ADGRL2: variants seen among roughly 807,000 people sequenced by gnomAD.
ADGRL2 encodes the protein calcium-independent alpha-latrotoxin receptor 2.
ADGRL2 carries 44 observed loss-of-function variants against 157.4 expected under a neutral mutation model. That is an observed-to-expected ratio of 0.28 (90% confidence interval 0.22 to 0.36). The LOEUF (loss-of-function observed/expected upper bound fraction) is 0.36, where lower values mean the gene tolerates loss of function less well. Among genes scored for constraint, ADGRL2 ranks in the 10% least tolerant of loss-of-function variants. ADGRL2 has a pLI of 1.00. For missense variants in ADGRL2, 1,510 were observed against 1,768.9 expected (o/e 0.85, Z 2.63); for synonymous variants, 585 against 624.7 (o/e 0.94, Z 0.95).
At chr1:81,881,259 T>TC (rs2093979118) in intron 2 of ADGRL2, among the ~76,000 whole-genome samples, 1 of 152,158 alleles carries the variant, frequency 6.6e-6, no homozygotes, top group Non-Finnish European at 1.5e-5. Context: ...CACTGCAAGC[T>TC]CCACCTCCCG....
chr1:81,620,833 T>G (rs2081773955), intron 3 of ADGRL2, among the ~76,000 whole-genome samples: 1 of 152,194 alleles, frequency 6.6e-6, no homozygotes, highest in African/African-American at 2.4e-5. Context: ...AGGAAGAAAT[T>G]AGTATTCACT....
At chr1:81,563,054 G>C (rs930968073) in intron 2 of ADGRL2, among the ~76,000 whole-genome samples, 4 of 152,200 alleles carry the variant, frequency 2.6e-5, no homozygotes, top group Middle Eastern at 6.8e-3. Context: ...GTAATACACT[G>C]TATTTAACTG....
intron 2 of ADGRL2, among the ~76,000 whole-genome samples, chr1:81,479,282 G>A (rs1437067532): frequency 6.6e-6 from 1 of 151,298 alleles, no homozygotes; most frequent in Non-Finnish European, 1.5e-5. Flanking sequence ...AGACCAGCTT[G>A]GCTAACATGG....
chr1:81,749,481 G>A (rs1348451056), intron 1 of ADGRL2, among the ~76,000 whole-genome samples: 2 of 151,714 alleles, frequency 1.3e-5, no homozygotes, highest in African/African-American at 4.8e-5. Context: ...ACCACATATT[G>A]CTATTGCTTG....
chr1:81,384,553 A>C (rs545463194), intron 1 of ADGRL2, among the ~76,000 whole-genome samples: 2 of 152,336 alleles, frequency 1.3e-5, no homozygotes, highest in Non-Finnish European at 2.9e-5. Flanking sequence ...ATCTTTAAAA[A>C]ATGAATCATT....
intron 2 of ADGRL2, among the ~76,000 whole-genome samples, chr1:81,905,911 T>C (rs1027816727): frequency 1.3e-5 from 2 of 151,970 alleles, no homozygotes; most frequent in African/African-American, 4.8e-5. Flanking sequence ...TGTATAGATA[T>C]TTCAGTACAA....
At chr1:81,391,197 T>A (rs1386612916) in intron 1 of ADGRL2, among the ~76,000 whole-genome samples, 3 of 152,306 alleles carry the variant, frequency 2.0e-5, no homozygotes, top group African/African-American at 7.2e-5. Flanking sequence ...AACTCATTTT[T>A]TGAGCACTTA....
intron 2 of ADGRL2, among the ~76,000 whole-genome samples, chr1:81,900,740 G>C (rs574775201): frequency 6.6e-6 from 1 of 152,274 alleles, no homozygotes; most frequent in Admixed American, 6.5e-5. Context: ...AAATAACTGA[G>C]TCTGACTTGT....
At position 81,801,068 on chromosome 1, in the gene ADGRL2, C is replaced by T. The variant is rs925684737; in HGVS notation, c.-101C>T. On this transcript the variant is annotated splice_region_variant and 5_prime_UTR_variant, in exon 1 of 24. Transcript: ENST00000686636. The stretch of plus-strand genomic sequence containing the variant: ...CACCGCCGTCCGAAGGGCTCGAGCC[C>T]GTAAGTATCCCCTTTCGCTCCTCCT... Among the ~76,000 whole-genome samples the T allele has an allele frequency of 3.3e-5, 5 of 151,884 alleles. No homozygotes were observed. The highest frequency in any genetic ancestry group is 1.2e-4 in the African/African-American group (5 of 41,432).
intron 1 of ADGRL2, among the ~76,000 whole-genome samples, chr1:81,752,473 C>A (rs1324607571): frequency 6.6e-6 from 1 of 152,168 alleles, no homozygotes; most frequent in Non-Finnish European, 1.5e-5. Flanking sequence ...TGTTTCATTT[C>A]CAATGAAAAC....
chr1:81,506,674 C>T (rs570359535), intron 2 of ADGRL2, among the ~76,000 whole-genome samples: 3 of 152,238 alleles, frequency 2.0e-5, no homozygotes, highest in Admixed American at 2.0e-4. Context: ...GGCACCACTG[C>T]ACTCCAGCCT....
intron 3 of ADGRL2, among the ~76,000 whole-genome samples, chr1:81,647,662 A>G (rs962165218): frequency 6.6e-6 from 1 of 152,188 alleles, no homozygotes; most frequent in Non-Finnish European, 1.5e-5. Context: ...CATTTCAGAT[A>G]AGGGGTATTC....
intron 3 of ADGRL2, among the ~76,000 whole-genome samples, chr1:81,631,314 T>C (rs2082006644): frequency 6.6e-6 from 1 of 152,154 alleles, no homozygotes; most frequent in Admixed American, 6.5e-5. Context: ...CCTCCCCTGT[T>C]CAGGCAATTC....
At chr1:81,483,284 A>G (rs1322695842) in intron 2 of ADGRL2, among the ~76,000 whole-genome samples, 1 of 152,224 alleles carries the variant, frequency 6.6e-6, no homozygotes, top group East Asian at 1.9e-4. Flanking sequence ...ATTTAAAACA[A>G]AAACCACGGC....
intron 22 of ADGRL2, 193 bp downstream of exon 22, chr1:81,987,222 G>T (rs1371161390): frequency 2.2e-6 from 3 of 1,381,482 alleles, no homozygotes; most frequent in Admixed American, 1.9e-5. Context: ...GCTCAGTCAT[G>T]ATAGTATTTA....
chr1:81,471,769 A>G (rs2078177745), intron 2 of ADGRL2, among the ~76,000 whole-genome samples: 1 of 152,246 alleles, frequency 6.6e-6, no homozygotes. Flanking sequence ...TTTATTATTC[A>G]AAACTGGATA....
At chr1:81,592,095 A>C (rs1270019789) in intron 3 of ADGRL2, among the ~76,000 whole-genome samples, 4 of 152,172 alleles carry the variant, frequency 2.6e-5, no homozygotes, top group African/African-American at 9.7e-5. Context: ...TGCATCAGTG[A>C]TATTTAGCAA....
chr1:81,987,703 C>T (rs2149511012), intron 22 of ADGRL2, among the ~76,000 whole-genome samples, 166 bp from the exon 23 acceptor site: 1 of 151,824 alleles, frequency 6.6e-6, no homozygotes, highest in East Asian at 1.9e-4. Flanking sequence ...GTAAAGTTTT[C>T]ACATAATTAC....
At chr1:81,487,855 G>C (rs996819181) in intron 2 of ADGRL2, among the ~76,000 whole-genome samples, 2 of 152,106 alleles carry the variant, frequency 1.3e-5, no homozygotes, top group Admixed American at 6.5e-5. Flanking sequence ...TCAGTCTACT[G>C]TAATTTTTCT....
Sources: gnomAD v4.1 joint callset for allele counts (sites outside exome capture counted in the v4.1 genomes callset) on GRCh38, gnomAD v4.1.1 for gene constraint, MANE v1.5 for transcripts, NCBI Gene and HGNC (gene_info 2026-07-23, HGNC 2026-07-21) for gene names.